Variants in MAP4K3 observed in about 807,000 individuals in gnomAD.
The protein encoded by MAP4K3 is mitogen-activated protein kinase kinase kinase kinase 3, also known as MAPK/ERK kinase kinase kinase 3.
Under a neutral mutation model 143.5 loss-of-function variants are expected in MAP4K3, and 94 were observed. The observed-to-expected ratio is 0.65, with a 90% CI of 0.55 to 0.78. MAP4K3 has a LOEUF of 0.78. MAP4K3 is among the 30% of genes least tolerant of loss of function. The pLI, the probability that MAP4K3 is intolerant of heterozygous loss-of-function variation, is 0.00. For synonymous variants in MAP4K3, 416 were observed against 347.2 expected, an observed-to-expected ratio of 1.20 and a Z score of -2.20; for missense variants, 1,077 against 1,068.1, an observed-to-expected ratio of 1.01 and a Z score of -0.12.
At chr2:39,432,069 A>G (rs554338187) in intron 1 of MAP4K3, among the ~76,000 whole-genome samples, 8 of 152,344 alleles carry the variant, frequency 5.3e-5, no homozygotes, top group Admixed American at 3.9e-4. Flanking sequence ...TAGCAGGTAC[A>G]CATTTTATGT....
chr2:39,357,232 G>T (rs190272141), intron 2 of MAP4K3, among the ~76,000 whole-genome samples: 1 of 152,378 alleles, frequency 6.6e-6, no homozygotes, highest in African/African-American at 2.4e-5. Flanking sequence ...GAATGCAAAT[G>T]TGGTGAACCA....
Position 39,437,238 on chromosome 2 carries a change from A to C in MAP4K3, c.-251T>G. On this transcript the variant is annotated 5_prime_UTR_variant, in exon 1 of 34. Transcript: ENST00000263881. ...ACCTGGTCACACCCACAAGGAGAGGAGAACCCTCGCAGCCCCTCGCTCGGG... is the reference window on the plus strand; with the variant it reads ...ACCTGGTCACACCCACAAGGAGAGGCGAACCCTCGCAGCCCCTCGCTCGGG... 1 of 294,752 alleles carries C rather than the reference A, an allele frequency of 3.4e-6. No homozygotes were observed. The allele number at this position is 294,752 out of a possible 1,614,324, so 18.3% of individuals were successfully genotyped here.
At chr2:39,385,454 T>C (rs1489953043) in intron 1 of MAP4K3, among the ~76,000 whole-genome samples, 1 of 151,476 alleles carries the variant, frequency 6.6e-6, no homozygotes, top group Middle Eastern at 3.2e-3. Flanking sequence ...AGTCTATTCA[T>C]GTGCTTACCT....
rs13013749 is a variant in MAP4K3, at chr2:39,385,722, C to T, written c.97-7599G>A. Reference sequence around the variant, plus strand: ...TTGGCTCATTGCAACCTCCGCCTCCCGGGTTCAAGCGATTCTCCAGCCTCA... The same window carrying T: ...TTGGCTCATTGCAACCTCCGCCTCCTGGGTTCAAGCGATTCTCCAGCCTCA... On this transcript the variant is annotated intron_variant, in intron 1 of 33. Coordinates refer to ENST00000263881, the MANE Select transcript of MAP4K3 (RefSeq NM_003618.4). Among the ~76,000 whole-genome samples the T allele has an allele frequency of 2.7e-4, 41 of 151,160 alleles. No individual in the cohort carries two copies. The South Asian group carries it at 4.2e-3, about 15-fold the overall frequency.
intron 1 of MAP4K3, among the ~76,000 whole-genome samples, chr2:39,414,378 G>T (rs959424815): frequency 2.0e-5 from 3 of 152,140 alleles, no homozygotes; most frequent in Non-Finnish European, 4.4e-5. Flanking sequence ...AACTATTGCG[G>T]GGGAATTAAG....
At chr2:39,285,441 A>G (rs1419408981) in intron 21 of MAP4K3, among the ~76,000 whole-genome samples, 1 of 152,206 alleles carries the variant, frequency 6.6e-6, no homozygotes, top group Non-Finnish European at 1.5e-5. Flanking sequence ...ACAGTCACTC[A>G]GCTGCATTTT....
chr2:39,269,782 C>T (rs917213063), intron 26 of MAP4K3, among the ~76,000 whole-genome samples: 3 of 152,166 alleles, frequency 2.0e-5, no homozygotes, highest in Non-Finnish European at 2.9e-5. Context: ...TGAACGACTA[C>T]AATGGCAATC....
intron 16 of MAP4K3, among the ~76,000 whole-genome samples, chr2:39,295,122 A>T (rs903477931): frequency 6.6e-6 from 1 of 151,960 alleles, no homozygotes; most frequent in Non-Finnish European, 1.5e-5. Flanking sequence ...TCATAAAAAA[A>T]TGTTATTAGT....
chr2:39,307,740 T>C (rs1682765037), intron 15 of MAP4K3, among the ~76,000 whole-genome samples: 1 of 152,020 alleles, frequency 6.6e-6, no homozygotes, highest in African/African-American at 2.4e-5. Context: ...CAAGCATGTT[T>C]ATTACTACAG....
chr2:39,334,843 T>A (rs572988020), intron 6 of MAP4K3, among the ~76,000 whole-genome samples: 105 of 152,280 alleles, frequency 6.9e-4, no homozygotes, highest in African/African-American at 2.5e-3. Flanking sequence ...AATATATTTA[T>A]CATCTATGAA....
Position 39,369,828 on chromosome 2 carries a change from T to C in MAP4K3, c.154+8238A>G, listed in dbSNP as rs546922772. Among the ~76,000 whole-genome samples the C allele has an allele frequency of 1.5e-3, 234 of 152,296 alleles. 1 individual carries two copies. Among genetic ancestry groups the C allele is most frequent in the Non-Finnish European group, 2.7e-3 (182 of 68,014 alleles). Reference sequence around the variant, plus strand: ...CCAACCCAGAGTATTTCGGAGTAAATAGTCAAAGGCGGATCTTCAGTGACC... The same window carrying C: ...CCAACCCAGAGTATTTCGGAGTAAACAGTCAAAGGCGGATCTTCAGTGACC... On this transcript the variant is annotated intron_variant, in intron 2 of 33. Coordinates refer to ENST00000263881, the MANE Select transcript of MAP4K3 (RefSeq NM_003618.4).
intron 18 of MAP4K3, among the ~76,000 whole-genome samples, chr2:39,292,082 T>C (rs1345265192): frequency 6.6e-6 from 1 of 151,718 alleles, no homozygotes. Context: ...ATAGTAAAAA[T>C]ATTCCTCCTT....
rs184877258 is a variant in MAP4K3, at chr2:39,265,250, C to T, written c.2089G>A (p.Val697Ile). Residue 697 changes from valine to isoleucine, a missense_variant, in exon 28 of 34, where the codon GTT becomes ATT. Transcript: ENST00000263881. ...YLCGALQTSIVLLEWVEPMQK... is the reference protein window; with the variant it reads ...YLCGALQTSIILLEWVEPMQK... ...ATTGGTTCAACCCATTCTAATAGAA[C>T]AATGCTAGTCTGAAGTGCTCCACAT... The T allele has an allele frequency of 8.2e-5, 133 of 1,613,614 alleles. 1 individual carries two copies. Among genetic ancestry groups the T allele is most frequent in the Non-Finnish European group, 1.1e-4 (129 of 1,179,678 alleles).
intron 4 of MAP4K3, among the ~76,000 whole-genome samples, chr2:39,338,261 C>G (rs1007368715): frequency 6.6e-6 from 1 of 152,032 alleles, no homozygotes; most frequent in Non-Finnish European, 1.5e-5. Flanking sequence ...AAACGATGTC[C>G]AATAGGTTTA....
At position 39,378,096 on chromosome 2, in the gene MAP4K3, C is replaced by T. The variant is rs575736719; in HGVS notation, c.124G>A (p.Ala42Thr). ...TCCAATTTTATTACTTTAATTGCTG[C>T]TAATTCACCAGTGTTAACATTCCGT... ...KARNVNTGEL[A>T]AIKVIKLEPG... Residue 42 changes from alanine (A) to threonine (T), a missense_variant, in exon 2 of 34, where the codon GCA becomes ACA. Around this residue, in one of 2 missense-constraint regions of MAP4K3, gnomAD observed 213 missense variants for 266.8 expected, o/e 0.80. Transcript: ENST00000263881. The T allele has an allele frequency of 1.3e-6, 2 of 1,590,718 alleles. No homozygotes were observed. The highest frequency in any genetic ancestry group is 2.3e-5 in the East Asian group (1 of 43,824).
intron 4 of MAP4K3, among the ~76,000 whole-genome samples, chr2:39,342,286 C>A (rs1665167031): frequency 6.6e-6 from 1 of 151,968 alleles, no homozygotes; most frequent in Non-Finnish European, 1.5e-5. Context: ...TTACAAGCAC[C>A]CACCATCATG....
At chr2:39,308,136 A>G (rs1682785800) in intron 14 of MAP4K3, 131 bp from the exon 15 acceptor site, 3 of 524,668 alleles carry the variant, frequency 5.7e-6, no homozygotes, top group Non-Finnish European at 9.8e-6. Flanking sequence ...GGAGAGTCAA[A>G]CTGTATTAGG....
chr2:39,265,762 C>T (rs190471018), intron 27 of MAP4K3, among the ~76,000 whole-genome samples: 2 of 152,244 alleles, frequency 1.3e-5, no homozygotes, highest in African/African-American at 2.4e-5. Context: ...AAACACTTGT[C>T]TATCTTCCCC....
At chr2:39,290,425 A>G in intron 18 of MAP4K3, 91 bp from the exon 19 acceptor site, 1 of 774,614 alleles carries the variant, frequency 1.3e-6, no homozygotes, top group Non-Finnish European at 2.1e-6. Context: ...CACATAAAAA[A>G]GCTGCAAAGA....
Sources: allele counts gnomAD v4.1 joint callset (sites outside exome capture counted in the v4.1 genomes callset), GRCh38; gene constraint gnomAD v4.1.1; regional missense constraint gnomAD v4.1.1; transcripts MANE v1.5; gene names NCBI Gene and HGNC (gene_info 2026-07-23, HGNC 2026-07-21).